PWP2: variants seen among roughly 807,000 people sequenced by gnomAD.
PWP2 encodes the protein PWP2 small subunit processome component.
For synonymous variants in PWP2, 24 were observed against 45.4 expected, an observed-to-expected ratio of 0.53 and a Z score of 1.89; for missense variants, 35 against 114.1, an observed-to-expected ratio of 0.31 and a Z score of 3.16.
chr21:44,121,338 GT>G, intron 13 of PWP2: 1 of 23,808 alleles, frequency 4.2e-5, no homozygotes, highest in Admixed American at 6.8e-4. Flanking sequence ...CTCCCGCTCT[GT>G]GGGCAAGTAC....
At chr21:44,107,597 G>T (rs971335538) in intron 1 of PWP2, among the ~76,000 whole-genome samples, 163 bp downstream of exon 1, 5 of 66,126 alleles carry the variant, frequency 7.6e-5, no homozygotes, top group African/African-American at 1.5e-4. Flanking sequence ...GGGGACGCGG[G>T]GCTGTGGTGG....
rs1349358639 is a variant in PWP2, at chr21:44,122,801, TGTG to T, written c.1817+449_1817+451del. 3.2e-5 allele frequency among the ~76,000 whole-genome samples: 2 copies of T among 63,426 alleles called. 1 individual carries two copies. Among genetic ancestry groups the T allele is most frequent in the Non-Finnish European group, 1.0e-4 (2 of 19,976 alleles). The allele number at this position is 63,426 out of a possible 152,430, so 41.6% of individuals were successfully genotyped here. On this transcript the variant is annotated intron_variant, in intron 14 of 20. Transcript: ENST00000291576. ...ACAAAAAGTAGAAAAATTAGCCAGGTGTGGTGGCACATGTCTGTGGTCCTAGCT... is the reference window on the plus strand; with the variant it reads ...ACAAAAAGTAGAAAAATTAGCCAGGTGTGGCACATGTCTGTGGTCCTAGCT...
Position 44,107,535 on chromosome 21 carries a change from T to A in PWP2, c.18+101T>A, listed in dbSNP as rs2039187968. ...GGGCTGGGGGCGCGTGGTCTGCTTT[T>A]GCGGCGTCTGGCCGCGTGGGGGTCG... On this transcript the variant is annotated intron_variant, in intron 1 of 20. Transcript: ENST00000291576. 1.2e-5 allele frequency: 4 copies of A among 335,330 alleles called. No homozygotes were observed. The South Asian group carries it at 1.7e-4, about 14-fold the overall frequency. 20.8% of individuals were successfully genotyped at this position (335,330 alleles called of 1,614,324 possible).
At chr21:44,121,239 CTGGTG>C in intron 13 of PWP2, 137 bp downstream of exon 13, 1 of 65,696 alleles carries the variant, frequency 1.5e-5, no homozygotes, top group African/African-American at 7.9e-5. Flanking sequence ...TCCAGACCTG[CTGGTG>C]TGGCAGCCCT....
At chr21:44,114,802 TGA>T in intron 5 of PWP2, 34 bp downstream of exon 5, 1 of 69,508 alleles carries the variant, frequency 1.4e-5, no homozygotes, top group Non-Finnish European at 4.3e-5. Flanking sequence ...GAGCGGGGCT[TGA>T]GAGAGGCCCC....
chr21:44,117,043 C>T (rs924081262), intron 7 of PWP2, among the ~76,000 whole-genome samples: 1 of 59,514 alleles, frequency 1.7e-5, no homozygotes, highest in African/African-American at 3.6e-5. Flanking sequence ...TGGAGGGTGG[C>T]CAGAACAGGT....
At position 44,129,055 on chromosome 21, in the gene PWP2, G is replaced by T. The variant is rs2039336790; in HGVS notation, c.2585+429G>T. Among the ~76,000 whole-genome samples the T allele has an allele frequency of 2.8e-5, 2 of 70,732 alleles. 1 individual carries two copies. The highest frequency in any genetic ancestry group is 9.3e-5 in the Non-Finnish European group (2 of 21,474). The allele number at this position is 70,732 out of a possible 152,430, so 46.4% of individuals were successfully genotyped here. A position where few individuals can be genotyped will look rare whatever the true frequency, so the allele number is the denominator to read the frequency against. ...CTGAGCTGTGGCTCCCCTAGAAAAG[G>T]GTGCTGTTGCTGCTGCTGCGAGGAT... On this transcript the variant is annotated intron_variant, in intron 20 of 20. Transcript: ENST00000291576.
At chr21:44,107,578 C>T (rs1242682169) in intron 1 of PWP2, 144 bp downstream of exon 1, 1 of 190,118 alleles carries the variant, frequency 5.3e-6, no homozygotes, top group African/African-American at 2.3e-5. Flanking sequence ...TCTGCGCGCC[C>T]GTGGCCTCGG....
At chr21:44,117,211 A>AC (rs982785210) in intron 7 of PWP2, among the ~76,000 whole-genome samples, 7 of 65,432 alleles carry the variant, frequency 1.1e-4, no homozygotes, top group African/African-American at 2.3e-4. Flanking sequence ...GGGCCCCCCA[A>AC]CCCCGCCCTG....
Position 44,107,471 on chromosome 21 carries a change from C to G in PWP2, c.18+37C>G. ...CGGCGGGCGGTCTGTTGGATCGGCGCGGCTCTTCCGGTGGACGGCGCCTGA... is the reference window on the plus strand; with the variant it reads ...CGGCGGGCGGTCTGTTGGATCGGCGGGGCTCTTCCGGTGGACGGCGCCTGA... On this transcript the variant is annotated intron_variant, in intron 1 of 20. Coordinates refer to ENST00000291576, the MANE Select transcript of PWP2 (RefSeq NM_005049.3). 1.8e-6 allele frequency: 2 copies of G among 1,092,766 alleles called. 1 individual carries two copies. Among genetic ancestry groups the G allele is most frequent in the East Asian group, 6.6e-5 (2 of 30,400 alleles). 67.7% of individuals were successfully genotyped at this position (1,092,766 alleles called of 1,614,324 possible).
In PWP2 at chr21:44,125,520, CCCTCG is replaced by C. The variant is rs2039310125; in HGVS notation, c.1966-490_1966-486del. The C allele has an allele frequency of 3.3e-5, 2 of 61,354 alleles. 1 individual carries two copies. The highest frequency in any genetic ancestry group is 6.7e-5 in the African/African-American group (2 of 29,830). 3.8% of individuals were successfully genotyped at this position (61,354 alleles called of 1,614,324 possible). A position where few individuals can be genotyped will look rare whatever the true frequency, so the allele number is the denominator to read the frequency against. ...TGCCTGCCCTTCCCCCTCAGCACAG[CCCTCG>C]GCTCAGGTCCCACTCACATGCTGGC... On this transcript the variant is annotated intron_variant, in intron 15 of 20. Coordinates refer to ENST00000291576, the MANE Select transcript of PWP2 (RefSeq NM_005049.3).
rs1346415405 is a variant in PWP2, at chr21:44,109,141, A to G, written c.131+45A>G. 7.8e-6 allele frequency: 2 copies of G among 257,402 alleles called. 1 individual carries two copies. The highest frequency in any genetic ancestry group is 1.9e-5 in the Non-Finnish European group (2 of 107,388). 15.9% of individuals were successfully genotyped at this position (257,402 alleles called of 1,614,324 possible). A position where few individuals can be genotyped will look rare whatever the true frequency, so the allele number is the denominator to read the frequency against. On this transcript the variant is annotated intron_variant, in intron 2 of 20. Coordinates refer to ENST00000291576, the MANE Select transcript of PWP2 (RefSeq NM_005049.3). ...ATTCATAATAGTGATACTGATTACT[A>G]TTATCACCATTTTTTAAGTAACATA...
chr21:44,114,623 AG>A lies in PWP2; in HGVS notation c.327del. The stretch of plus-strand genomic sequence containing the variant: ...TCAACTATGTCCGCGTTCCTTCCAT[AG>A]GAAGTTTGTTGTCACAAAGGGTAAC... On this transcript the variant is annotated splice_acceptor_variant, in intron 4 of 20. Transcript: ENST00000291576. LOFTEE classifies it high-confidence loss of function. The A allele has an allele frequency of 9.1e-6, 1 of 109,434 alleles. No homozygotes were observed. The highest frequency in any genetic ancestry group is 5.8e-5 in the South Asian group (1 of 17,304). 6.8% of individuals were successfully genotyped at this position (109,434 alleles called of 1,614,324 possible).
intron 20 of PWP2, among the ~76,000 whole-genome samples, chr21:44,128,947 T>C (rs2039336374): frequency 1.4e-5 from 1 of 72,226 alleles, no homozygotes; most frequent in African/African-American, 3.0e-5. Flanking sequence ...CTTTCCTGAA[T>C]TTGCAGGTCA....
rs115764223 is a variant in PWP2, at chr21:44,112,663, A to G, written c.132-1090A>G. ...GCTCGGCTGCTTATGGGGAAGCTGG[A>G]ATGTGTGTGCCTCACTCAGTTGCAG... On this transcript the variant is annotated intron_variant, in intron 2 of 20. Coordinates refer to ENST00000291576, the MANE Select transcript of PWP2 (RefSeq NM_005049.3). Among the ~76,000 whole-genome samples, 329 of 56,446 alleles carry G rather than the reference A, an allele frequency of 5.8e-3. 94 individuals carry two copies. Among genetic ancestry groups the G allele is most frequent in the African/African-American group, 0.014 (315 of 22,464 alleles). The allele number at this position is 56,446 out of a possible 152,430, so 37.0% of individuals were successfully genotyped here.
chr21:44,118,398 G>T (rs2039264364), intron 8 of PWP2, among the ~76,000 whole-genome samples: 1 of 23,578 alleles, frequency 4.2e-5, no homozygotes, highest in South Asian at 1.2e-3. Flanking sequence ...TCCGCCTCCC[G>T]GGCTCAAATG....
At position 44,118,805 on chromosome 21, in the gene PWP2, G is replaced by A. The variant is rs767085930; in HGVS notation, c.1023G>A (p.Ser341=). ...QSIASVAINS[S]GDWIAFGCSG... ...TCGCCTCAGTGGCCATCAATAGCTC[G>A]GGGGACTGGATTGCTTTTGGCTGTT... The change falls in exon 9 of 21, where the codon TCG becomes TCA. Residue 341 remains serine (S), a synonymous_variant. Transcript: ENST00000291576. 7.9e-6 allele frequency: 5 copies of A among 634,164 alleles called. 1 individual carries two copies. The highest frequency in any genetic ancestry group is 4.8e-5 in the African/African-American group (3 of 61,870). 39.3% of individuals were successfully genotyped at this position (634,164 alleles called of 1,614,324 possible).
intron 5 of PWP2, 58 bp downstream of exon 5, chr21:44,114,826 A>AC: frequency 9.8e-6 from 1 of 102,548 alleles, no homozygotes. Context: ...TGGACAGGTC[A>AC]CCCCCTTGGG....
rs565277791 is a variant in PWP2, at chr21:44,107,539, G to A, written c.18+105G>A. 57 of 260,364 alleles carry A rather than the reference G, an allele frequency of 2.2e-4. 5 individuals carry two copies. Among genetic ancestry groups the A allele is most frequent in the African/African-American group, 1.1e-3 (53 of 47,024 alleles). 16.1% of individuals were successfully genotyped at this position (260,364 alleles called of 1,614,324 possible). On this transcript the variant is annotated intron_variant, in intron 1 of 20. Transcript: ENST00000291576. ...TGGGGGCGCGTGGTCTGCTTTTGCG[G>A]CGTCTGGCCGCGTGGGGGTCGCCGG... is the stretch of plus-strand genomic sequence containing the variant.
Sources: gnomAD v4.1 joint callset for allele counts (sites outside exome capture counted in the v4.1 genomes callset) on GRCh38, gnomAD v4.1.1 for gene constraint, MANE v1.5 for transcripts, NCBI Gene and HGNC (gene_info 2026-07-23, HGNC 2026-07-21) for gene names.